Variants in DSN1 observed in about 807,000 individuals in gnomAD.
DSN1 encodes DSN1 component of MIS12 kinetochore complex.
Under a neutral mutation model 45.7 loss-of-function variants are expected in DSN1, and 31 were observed. The observed-to-expected ratio is 0.68, with a 90% CI of 0.51 to 0.92. The LOEUF (loss-of-function observed/expected upper bound fraction) is 0.92, where lower values mean the gene tolerates loss of function less well. Among genes scored for constraint, DSN1 ranks in the 40% least tolerant of loss-of-function variants. DSN1 has a pLI of 0.00. For missense variants in DSN1, 394 were observed against 414.2 expected (o/e 0.95, Z 0.42); for synonymous variants, 134 against 142.3 (o/e 0.94, Z 0.41).
In DSN1 at chr20:36,766,803, A is replaced by G; in HGVS notation, c.468T>C (p.Thr156=). The change falls in exon 5 of 11, where the codon ACT becomes ACC. Residue 156 remains threonine (T), a synonymous_variant. Coordinates refer to ENST00000373750, the MANE Select transcript of DSN1 (RefSeq NM_001145315.2). ...IQKLEPFLRD[T]KGFSLESFRA... is the part of the protein sequence containing the mutation. The stretch of plus-strand genomic sequence containing the variant: ...TAAAACTTTCAAGACTGAAGCCCTT[A>G]GTGTCCCTTAGGAAAGGTTCAAGTT... 6.2e-7 allele frequency: 1 copy of G among 1,610,094 alleles called. No individual in the cohort carries two copies.
intron 1 of DSN1, 67 bp from the exon 2 acceptor site, chr20:36,771,540 G>A: frequency 6.8e-7 from 1 of 1,476,162 alleles, no homozygotes; most frequent in Non-Finnish European, 9.4e-7. Context: ...GGGCTTTACA[G>A]CCCCAGAATA....
chr20:36,762,573 A>T (rs1045845663), intron 5 of DSN1, 25 bp from the exon 6 acceptor site: 1 of 1,602,206 alleles, frequency 6.2e-7, no homozygotes, highest in Non-Finnish European at 8.5e-7. Context: ...TTTACGTGTC[A>T]TAAAATAAAG....
chr20:36,765,076 G>A (rs2148275905), intron 5 of DSN1, among the ~76,000 whole-genome samples: 1 of 151,914 alleles, frequency 6.6e-6, no homozygotes, highest in South Asian at 2.1e-4. Flanking sequence ...CTTTTTTATT[G>A]GTGAGAGTGT....
chr20:36,761,217 C>T (rs1294832092), intron 6 of DSN1, among the ~76,000 whole-genome samples: 1 of 152,146 alleles, frequency 6.6e-6, no homozygotes, highest in Admixed American at 6.6e-5. Context: ...CCATTCATAT[C>T]TTACAGGTTT....
chr20:36,766,021 C>T (rs1179512662), intron 5 of DSN1, among the ~76,000 whole-genome samples: 1 of 150,648 alleles, frequency 6.6e-6, no homozygotes, highest in Non-Finnish European at 1.5e-5. Context: ...GGCGAAACCC[C>T]GTCTCTACTA....
chr20:36,770,706 G>A (rs1987598412), intron 3 of DSN1, among the ~76,000 whole-genome samples, 167 bp downstream of exon 3: 1 of 152,114 alleles, frequency 6.6e-6, no homozygotes, highest in Non-Finnish European at 1.5e-5. Context: ...AAAAGAAATA[G>A]CAGTAATACT....
intron 8 of DSN1, among the ~76,000 whole-genome samples, chr20:36,757,358 A>C (rs1986729638): frequency 6.6e-6 from 1 of 151,108 alleles, no homozygotes. Flanking sequence ...AACAAACAAA[A>C]AAACAACAAA....
intron 2 of DSN1, 110 bp from the exon 3 acceptor site, chr20:36,771,303 A>C (rs751142840): frequency 1.9e-5 from 28 of 1,478,442 alleles, no homozygotes; most frequent in Admixed American, 4.1e-5. Flanking sequence ...AAACATAAAG[A>C]AAGCATCTCT....
chr20:36,768,701 G>C (rs1987481743), intron 3 of DSN1, among the ~76,000 whole-genome samples: 1 of 152,138 alleles, frequency 6.6e-6, no homozygotes, highest in Admixed American at 6.6e-5. Context: ...TTATAGGACA[G>C]GCACTGCAAT....
intron 4 of DSN1, 148 bp from the exon 5 acceptor site, chr20:36,766,989 T>C: frequency 3.9e-6 from 2 of 508,068 alleles, no homozygotes; most frequent in Admixed American, 4.1e-5. Context: ...CAGAAACAAA[T>C]AAATAGATAA....
intron 8 of DSN1, 94 bp downstream of exon 8, chr20:36,757,993 G>A: frequency 1.7e-6 from 2 of 1,186,766 alleles, no homozygotes; most frequent in Non-Finnish European, 2.4e-6. Flanking sequence ...CGTGAGAAAG[G>A]ATTCATCTTT....
intron 10 of DSN1, among the ~76,000 whole-genome samples, chr20:36,753,845 A>G (rs1470379258): frequency 6.6e-6 from 1 of 151,400 alleles, no homozygotes; most frequent in Non-Finnish European, 1.5e-5. Context: ...CGTCTCTACT[A>G]AAAATATAAA....
intron 6 of DSN1, among the ~76,000 whole-genome samples, chr20:36,759,096 C>A (rs1324571411): frequency 1.3e-5 from 2 of 152,180 alleles, no homozygotes; most frequent in African/African-American, 4.8e-5. Flanking sequence ...GATTTTCCTG[C>A]CTCAGCCTCC....
rs949429136 is a variant in DSN1 at position 36,771,101 on chromosome 20, C to G, written c.127G>C (p.Glu43Gln). 2.5e-6 allele frequency: 4 copies of G among 1,614,028 alleles called. No homozygotes were observed. The highest frequency in any genetic ancestry group is 3.4e-6 in the Non-Finnish European group (4 of 1,180,044). Residue 43 changes from glutamate (E) to glutamine (Q), a missense_variant, in exon 3 of 11, where the codon GAG becomes CAG. Transcript: ENST00000373750. ...TCCTCTGAAACGCCTTGATTCATCTCCAGGGAGGCAGATGTTTTAGCAAAC... is the reference window on the plus strand; with the variant it reads ...TCCTCTGAAACGCCTTGATTCATCTGCAGGGAGGCAGATGTTTTAGCAAAC... Reference protein sequence around the residue: ...EVFAKTSASLEMNQGVSEERI... With the variant: ...EVFAKTSASLQMNQGVSEERI...
chr20:36,755,695 C>CA lies in DSN1; in HGVS notation c.859dup (p.Cys287LeufsTer8). 1 of 1,613,452 alleles carries CA rather than the reference C, an allele frequency of 6.2e-7. No individual in the cohort carries two copies. On this transcript the variant is annotated frameshift_variant, in exon 9 of 11. Coordinates refer to ENST00000373750, the MANE Select transcript of DSN1 (RefSeq NM_001145315.2). LOFTEE classifies it high-confidence loss of function. ...GAGCCCACTTACCACCAACTCCATA[C>CA]AGTCAAAGACTTTGCTCTGGTTCTG...
At chr20:36,768,131 A>G in intron 3 of DSN1, 89 bp from the exon 4 acceptor site, 1 of 1,301,054 alleles carries the variant, frequency 7.7e-7, no homozygotes, top group Non-Finnish European at 1.1e-6. Context: ...CTCTTGATAA[A>G]TCCAACTTAA....
At chr20:36,760,174 G>A (rs1400530184) in intron 6 of DSN1, among the ~76,000 whole-genome samples, 2 of 151,990 alleles carry the variant, frequency 1.3e-5, no homozygotes, top group African/African-American at 4.8e-5. Context: ...AGCCCAGGAG[G>A]TGGAGGTTGC....
At chr20:36,772,172 G>A (rs564523332) in intron 1 of DSN1, among the ~76,000 whole-genome samples, 3 of 151,458 alleles carry the variant, frequency 2.0e-5, no homozygotes, top group African/African-American at 2.4e-5. Context: ...GAGCCACCAC[G>A]CCCAGCCTCA....
chr20:36,773,370 C>A lies in DSN1; in HGVS notation c.-16+292G>T, dbSNP rs538919386. Reference sequence around the variant, plus strand: ...CTGGGGGCACAGGGGCAATTCGAACCCCAGCCCTCTACCCAGTCCTCACCC... The same window carrying A: ...CTGGGGGCACAGGGGCAATTCGAACACCAGCCCTCTACCCAGTCCTCACCC... On this transcript the variant is annotated intron_variant, in intron 1 of 10. Coordinates refer to ENST00000373750, the MANE Select transcript of DSN1 (RefSeq NM_001145315.2). 90 of 985,516 alleles carry A rather than the reference C, an allele frequency of 9.1e-5. 1 individual carries two copies. The South Asian group carries it at 1.6e-3, about 17-fold the overall frequency. 61.0% of individuals were successfully genotyped at this position (985,516 alleles called of 1,614,324 possible).
Sources: gnomAD v4.1 joint callset for allele counts (sites outside exome capture counted in the v4.1 genomes callset) on GRCh38, gnomAD v4.1.1 for gene constraint, MANE v1.5 for transcripts, NCBI Gene and HGNC (gene_info 2026-07-23, HGNC 2026-07-21) for gene names.